CDYL2: variants seen among roughly 807,000 people sequenced by gnomAD.
CDYL2 encodes the protein chromodomain Y-like protein 2.
A neutral mutation model predicts 49.4 loss-of-function variants in CDYL2; 23 were observed. That is an observed-to-expected ratio of 0.47 (90% CI 0.34 to 0.66). The LOEUF (loss-of-function observed/expected upper bound fraction) is 0.66. CDYL2 is among the 30% of genes least tolerant of loss of function. The pLI is 0.01. For missense variants in CDYL2, 678 were observed against 656.4 expected (o/e 1.03, Z -0.36); for synonymous variants, 360 against 268.8 (o/e 1.34, Z -3.32).
intron 2 of CDYL2, among the ~76,000 whole-genome samples, chr16:80,671,518 C>G (rs1303686126): frequency 6.6e-6 from 1 of 152,196 alleles, no homozygotes; most frequent in African/African-American, 2.4e-5. Context: ...CATCTTCTCA[C>G]CAACCAGCAA....
In CDYL2 at chr16:80,604,379, T is replaced by C; in HGVS notation, c.*9A>G. 1 of 1,613,842 alleles carries C rather than the reference T, an allele frequency of 6.2e-7. No homozygotes were observed. Among genetic ancestry groups the C allele is most frequent in the Non-Finnish European group, 8.5e-7 (1 of 1,179,876 alleles). ...AGCTGGAAGTTGGGGGCCCGTGAGCTGGGGCCCCTCAGACTTCATAAATTT... is the reference window on the plus strand; with the variant it reads ...AGCTGGAAGTTGGGGGCCCGTGAGCCGGGGCCCCTCAGACTTCATAAATTT... On this transcript the variant is annotated 3_prime_UTR_variant, in exon 7 of 7. Transcript: ENST00000570137.
At chr16:80,692,224 T>C (rs1910445376) in intron 1 of CDYL2, among the ~76,000 whole-genome samples, 2 of 152,206 alleles carry the variant, frequency 1.3e-5, no homozygotes, top group South Asian at 4.1e-4. Context: ...ATAGATCAAC[T>C]TTATTTCTAT....
At chr16:80,793,730 C>G (rs1907680517) in intron 1 of CDYL2, among the ~76,000 whole-genome samples, 1 of 152,158 alleles carries the variant, frequency 6.6e-6, no homozygotes, top group South Asian at 2.1e-4. Context: ...TCCAGGATCC[C>G]TAACACATAA....
intron 6 of CDYL2, 31 bp downstream of exon 6, chr16:80,608,061 G>A: frequency 6.5e-7 from 1 of 1,537,492 alleles, no homozygotes. Flanking sequence ...TCTATCAAAA[G>A]GACAAGCACG....
At chr16:80,704,470 A>C (rs115779849) in intron 1 of CDYL2, among the ~76,000 whole-genome samples, 5 of 152,364 alleles carry the variant, frequency 3.3e-5, no homozygotes, top group Non-Finnish European at 7.3e-5. Context: ...TGAAGCACAC[A>C]GTCCATGGGG....
At position 80,598,956 on chromosome 16, in the gene CDYL2, CG is replaced by C. The variant is rs367613037; in HGVS notation, c.*5431del. 213 of 152,106 alleles carry C rather than the reference CG, an allele frequency of 1.4e-3. 1 individual carries two copies. Among genetic ancestry groups the C allele is most frequent in the African/African-American group, 5.0e-3 (207 of 41,470 alleles). The allele number at this position is 152,106 out of a possible 1,614,324, so 9.4% of individuals were successfully genotyped here. A position where few individuals can be genotyped will look rare whatever the true frequency, so the allele number is the denominator to read the frequency against. On this transcript the variant is annotated 3_prime_UTR_variant, in exon 7 of 7. Coordinates refer to ENST00000570137, the MANE Select transcript of CDYL2 (RefSeq NM_152342.4). ...AATATTGTCACAATCCTGTCAACAT[CG>C]ACACTGGCAAATGACTTCAAGCTGG...
intron 2 of CDYL2, among the ~76,000 whole-genome samples, chr16:80,679,141 T>C (rs568194274): frequency 5.4e-5 from 8 of 147,126 alleles, no homozygotes; most frequent in East Asian, 4.1e-4. Context: ...AGGGATAGCA[T>C]TGGGAGATAT....
chr16:80,672,168 G>A (rs1046573291), intron 2 of CDYL2, among the ~76,000 whole-genome samples: 1 of 152,096 alleles, frequency 6.6e-6, no homozygotes, highest in Admixed American at 6.5e-5. Flanking sequence ...TGGACTTGGG[G>A]ACATTCAACC....
intron 2 of CDYL2, among the ~76,000 whole-genome samples, chr16:80,674,489 T>C (rs916960607): frequency 6.6e-6 from 1 of 152,126 alleles, no homozygotes; most frequent in Non-Finnish European, 1.5e-5. Flanking sequence ...AATTCACCCA[T>C]ATAAAGTGCA....
intron 2 of CDYL2, among the ~76,000 whole-genome samples, chr16:80,651,791 C>A (rs1314304533): frequency 6.6e-6 from 1 of 152,150 alleles, no homozygotes; most frequent in Non-Finnish European, 1.5e-5. Context: ...GCACTGTACT[C>A]CAGTTGAAAA....
chr16:80,662,665 C>T (rs547096792), intron 2 of CDYL2: 4 of 451,524 alleles, frequency 8.9e-6, no homozygotes, highest in Middle Eastern at 5.3e-4. Context: ...TCTGCATTGT[C>T]TAATACAGTA....
At chr16:80,661,803 C>T (rs946779824) in intron 2 of CDYL2, among the ~76,000 whole-genome samples, 3 of 152,168 alleles carry the variant, frequency 2.0e-5, no homozygotes, top group Non-Finnish European at 2.9e-5. Flanking sequence ...TATCATCATC[C>T]ATACACCTGC....
chr16:80,716,908 T>A (rs1206957354), intron 1 of CDYL2, among the ~76,000 whole-genome samples: 1 of 150,716 alleles, frequency 6.6e-6, no homozygotes, highest in Non-Finnish European at 1.5e-5. Context: ...GATGGATGAT[T>A]GAATGGACAG....
At chr16:80,646,164 C>T in intron 2 of CDYL2, among the ~76,000 whole-genome samples, 1 of 151,890 alleles carries the variant, frequency 6.6e-6, no homozygotes, top group Non-Finnish European at 1.5e-5. Context: ...AAAAAATTAT[C>T]TTCCACTGGG....
chr16:80,600,190 T>C lies in CDYL2; in HGVS notation c.*4198A>G, dbSNP rs1257246510. 6.6e-6 allele frequency: 1 copy of C among 152,140 alleles called. No homozygotes were observed. The highest frequency in any genetic ancestry group is 1.5e-5 in the Non-Finnish European group (1 of 68,042). The allele number at this position is 152,140 out of a possible 1,614,324, so 9.4% of individuals were successfully genotyped here. On this transcript the variant is annotated 3_prime_UTR_variant, in exon 7 of 7. Transcript: ENST00000570137. ...TTTGAAATTATACTTCAAACGCAAT[T>C]ACTTCGAAAAAAGATTAACCTGCTC...
intron 1 of CDYL2, among the ~76,000 whole-genome samples, chr16:80,754,051 T>A (rs1159267928): frequency 1.3e-5 from 2 of 152,178 alleles, no homozygotes; most frequent in East Asian, 3.8e-4. Flanking sequence ...ATTCTATGCA[T>A]CATCTTATTT....
intron 1 of CDYL2, among the ~76,000 whole-genome samples, chr16:80,701,563 C>T (rs1199291730): frequency 6.6e-6 from 1 of 151,918 alleles, no homozygotes; most frequent in South Asian, 2.1e-4. Context: ...AAAAAAACAC[C>T]GAATTGCAAA....
chr16:80,761,898 A>T (rs919793562), intron 1 of CDYL2, among the ~76,000 whole-genome samples: 1 of 147,964 alleles, frequency 6.8e-6, no homozygotes, highest in Non-Finnish European at 1.5e-5. Context: ...AAAAAAAAAA[A>T]CAAAGACTGG....
At chr16:80,703,435 C>G (rs1904315263) in intron 1 of CDYL2, among the ~76,000 whole-genome samples, 1 of 152,178 alleles carries the variant, frequency 6.6e-6, no homozygotes, top group Non-Finnish European at 1.5e-5. Flanking sequence ...AGGCTTATCC[C>G]CAGATTCAGG....
Sources: allele counts gnomAD v4.1 joint callset (sites outside exome capture counted in the v4.1 genomes callset), GRCh38; gene constraint gnomAD v4.1.1; transcripts MANE v1.5; gene names NCBI Gene and HGNC (gene_info 2026-07-23, HGNC 2026-07-21).